Variants in TTF2 observed in about 807,000 individuals in gnomAD.
The protein encoded by TTF2 is transcription termination factor 2.
Under a neutral mutation model 142.4 loss-of-function variants are expected in TTF2, and 108 were observed. That is an observed-to-expected ratio of 0.76 (90% CI 0.65 to 0.89). TTF2 has a LOEUF of 0.89. Among genes scored for constraint, TTF2 ranks in the 40% least tolerant of loss-of-function variants. The pLI, the probability that TTF2 is intolerant of heterozygous loss-of-function variation, is 0.00. For synonymous variants in TTF2, 483 were observed against 506.2 expected (o/e 0.95, Z 0.61); for missense variants, 1,327 against 1,379.8 (o/e 0.96, Z 0.61).
chr1:117,062,508 CTTTTT>C, intron 3 of TTF2, 35 bp downstream of exon 3: 3 of 1,290,414 alleles, frequency 2.3e-6, no homozygotes, highest in South Asian at 1.4e-5. Flanking sequence ...AGTGTATTTG[CTTTTT>C]TTTTTTTTTC....
chr1:117,095,183 G>A (rs987717220), intron 18 of TTF2, 126 bp from the exon 19 acceptor site: 9 of 795,778 alleles, frequency 1.1e-5, no homozygotes, highest in Admixed American at 2.2e-5. Context: ...AGAGAGGAGG[G>A]TGGAATAAAG....
intron 2 of TTF2, 27 bp downstream of exon 2, chr1:117,060,584 C>G (rs1214962597): frequency 6.4e-7 from 1 of 1,570,056 alleles, no homozygotes; most frequent in Admixed American, 1.9e-5. Context: ...GCCCCACTCC[C>G]TGTGGCTGCC....
intron 3 of TTF2, among the ~76,000 whole-genome samples, chr1:117,064,027 C>T (rs965267836): frequency 6.6e-6 from 1 of 152,208 alleles, no homozygotes; most frequent in Non-Finnish European, 1.5e-5. Context: ...GCCCTCTTCA[C>T]TCCGGCAATC....
intron 3 of TTF2, among the ~76,000 whole-genome samples, chr1:117,067,094 T>G (rs1405868061): frequency 1.3e-5 from 2 of 152,226 alleles, no homozygotes; most frequent in African/African-American, 4.8e-5. Context: ...TTTGAGAACT[T>G]GCTGTTAACG....
In TTF2 at chr1:117,070,335, G is replaced by GC. The variant is rs1656476608; in HGVS notation, c.219-3324dup. Among the ~76,000 whole-genome samples, 2 of 152,222 alleles carry GC rather than the reference G, an allele frequency of 1.3e-5. No homozygotes were observed. Among genetic ancestry groups the GC allele is most frequent in the Non-Finnish European group, 2.9e-5 (2 of 68,042 alleles). The stretch of plus-strand genomic sequence containing the variant: ...AACTTACACAAACCTACTTGGTATA[G>GC]CCTAATACATACCTAGGTTACAGAA... On this transcript the variant is annotated intron_variant, in intron 3 of 22. Coordinates refer to ENST00000369466, the MANE Select transcript of TTF2 (RefSeq NM_003594.4). This position sits in a 1 kb window ranked among gnomAD's most constrained non-coding sequence, Gnocchi z 4.2.
At chr1:117,069,451 T>C (rs1033076176) in intron 3 of TTF2, among the ~76,000 whole-genome samples, 2 of 152,194 alleles carry the variant, frequency 1.3e-5, no homozygotes, top group African/African-American at 4.8e-5. Context: ...GACAAGGAAG[T>C]GTTGAGGCAG....
At position 117,076,087 on chromosome 1, in the gene TTF2, T is replaced by A; in HGVS notation, c.1276-93T>A. 2.9e-6 allele frequency: 4 copies of A among 1,366,678 alleles called. No homozygotes were observed. Among genetic ancestry groups the A allele is most frequent in the Non-Finnish European group, 4.0e-6 (4 of 997,944 alleles). 84.7% of individuals were successfully genotyped at this position (1,366,678 alleles called of 1,614,324 possible). On this transcript the variant is annotated intron_variant, in intron 5 of 22. Transcript: ENST00000369466. This position sits in a 1 kb window ranked among gnomAD's most constrained non-coding sequence, Gnocchi z 4.6. ...GCACACATATTTAAAAGACCATAAT[T>A]TCAGAGTTTGGGTGTTTCAGGCTAT... is the stretch of plus-strand genomic sequence containing the variant.
chr1:117,060,362 T>C lies in TTF2; in HGVS notation c.16T>C (p.Cys6Arg), dbSNP rs756198185. MEEVR[C>R]PEHGTFCFLK... ...ACCCAGCGAAATGGAAGAAGTTAGG[T>C]GTCCAGAGCACGGTAAGGGGCTAGG... The change falls in exon 1 of 23, where the codon TGT becomes CGT. Residue 6 changes from cysteine (C) to arginine (R), a missense_variant. Transcript: ENST00000369466. 9.4e-6 allele frequency: 15 copies of C among 1,601,408 alleles called. No homozygotes were observed. The highest frequency in any genetic ancestry group is 4.3e-6 in the Non-Finnish European group (5 of 1,173,922).
rs373551858 is a variant in TTF2, at chr1:117,091,944, G to T, written c.2799G>T (p.Leu933=). 1.9e-6 allele frequency: 3 copies of T among 1,611,334 alleles called. No individual in the cohort carries two copies. The highest frequency in any genetic ancestry group is 2.5e-6 in the Non-Finnish European group (3 of 1,179,180). ...AGTGTTGCTGTCATCTTTCTTTACT[G>T]AAGTCGGTAAGAAAAGCCCTCAGCC... ...LRQCCCHLSL[L]KSALDPMELK... is the part of the protein sequence containing the mutation. Residue 933 remains leucine, a synonymous_variant, in exon 17 of 23, where the codon CTG becomes CTT. Coordinates refer to ENST00000369466, the MANE Select transcript of TTF2 (RefSeq NM_003594.4).
intron 2 of TTF2, among the ~76,000 whole-genome samples, chr1:117,061,615 C>T (rs545759527): frequency 3.7e-4 from 56 of 152,272 alleles, no homozygotes; most frequent in Middle Eastern, 3.4e-3. Context: ...ATATAGTACC[C>T]AGGTCAAGTT....
rs1570861938 is a variant in TTF2, at chr1:117,089,955, G to GA, written c.2343-96dup. On this transcript the variant is annotated intron_variant, in intron 13 of 22. Coordinates refer to ENST00000369466, the MANE Select transcript of TTF2 (RefSeq NM_003594.4). Reference sequence around the variant, plus strand: ...AAGTGATTGGATGACAGGTGTAACAGAAAATCTGATTTGTCATCTTATATC... The same window carrying GA: ...AAGTGATTGGATGACAGGTGTAACAGAAAAATCTGATTTGTCATCTTATATC... 1.1e-5 allele frequency: 15 copies of GA among 1,387,338 alleles called. No homozygotes were observed. In the East Asian group the frequency reaches 3.4e-4, roughly 31 times the overall value. The allele number at this position is 1,387,338 out of a possible 1,614,324, so 85.9% of individuals were successfully genotyped here.
chr1:117,081,520 A>G (rs945868081), intron 9 of TTF2, among the ~76,000 whole-genome samples: 1 of 152,222 alleles, frequency 6.6e-6, no homozygotes, highest in African/African-American at 2.4e-5. Flanking sequence ...ACTGTAATAG[A>G]TATCAGTCAG....
Position 117,092,923 on chromosome 1 carries a change from G to C in TTF2, c.2976+22G>C. On this transcript the variant is annotated intron_variant, in intron 18 of 22. Transcript: ENST00000369466. This position sits in a 1 kb window ranked among gnomAD's most constrained non-coding sequence, Gnocchi z 4.4. ...CAAGGTACTTTTTGTCTCCTCTGTAGTAGTCGAGAGACTTCGATTCCTCAC... is the reference window on the plus strand; with the variant it reads ...CAAGGTACTTTTTGTCTCCTCTGTACTAGTCGAGAGACTTCGATTCCTCAC... 1 of 1,612,732 alleles carries C rather than the reference G, an allele frequency of 6.2e-7. No homozygotes were observed. Among genetic ancestry groups the C allele is most frequent in the Non-Finnish European group, 8.5e-7 (1 of 1,179,342 alleles).
chr1:117,075,118 C>T lies in TTF2; in HGVS notation c.534C>T (p.Leu178=), dbSNP rs758555345. Residue 178 remains leucine, a synonymous_variant, in exon 5 of 23, where the codon CTC becomes CTT. Coordinates refer to ENST00000369466, the MANE Select transcript of TTF2 (RefSeq NM_003594.4). The surrounding 1 kb of genome is among the most constrained non-coding windows in gnomAD (Gnocchi z 4.5). ...AGCCTGAAATGATGGAGAAAGACCTCTCATCTGGCCTGGTACCAAAGAAAA... is the reference window on the plus strand; with the variant it reads ...AGCCTGAAATGATGGAGAAAGACCTTTCATCTGGCCTGGTACCAAAGAAAA... The part of the protein sequence containing the change: ...EQKPEMMEKD[L]SSGLVPKKKQ... The T allele has an allele frequency of 5.0e-6, 8 of 1,613,944 alleles. No homozygotes were observed. The African/African-American group carries it at 1.1e-4, about 22-fold the overall frequency.
rs1157800607 is a variant in TTF2 at position 117,104,786 on chromosome 1, G to A, written c.*3262G>A. 1 of 152,230 alleles carries A rather than the reference G, an allele frequency of 6.6e-6. No individual in the cohort carries two copies. Among genetic ancestry groups the A allele is most frequent in the African/African-American group, 2.4e-5 (1 of 41,444 alleles). The allele number at this position is 152,230 out of a possible 1,614,324, so 9.4% of individuals were successfully genotyped here. On this transcript the variant is annotated 3_prime_UTR_variant, in exon 23 of 23. Coordinates refer to ENST00000369466, the MANE Select transcript of TTF2 (RefSeq NM_003594.4). ...ATGTGTCTCCCCTCTTCCCTCCCTG[G>A]GGGTTAGGCTGGGTTTGTTTGGTTT...
chr1:117,105,520 C>T lies in TTF2; in HGVS notation c.*3996C>T, dbSNP rs956750785. The T allele has an allele frequency of 6.6e-6, 1 of 152,134 alleles. No homozygotes were observed. The highest frequency in any genetic ancestry group is 1.5e-5 in the Non-Finnish European group (1 of 68,080). 9.4% of individuals were successfully genotyped at this position (152,134 alleles called of 1,614,324 possible). The stretch of plus-strand genomic sequence containing the variant: ...TCACTTGAGGCCAAGAGTTCGAGAC[C>T]AGACTGGCCAACATGGCAAAACCTC... On this transcript the variant is annotated 3_prime_UTR_variant, in exon 23 of 23. Coordinates refer to ENST00000369466, the MANE Select transcript of TTF2 (RefSeq NM_003594.4). This position sits in a 1 kb window ranked among gnomAD's most constrained non-coding sequence, Gnocchi z 4.7.
At chr1:117,096,077 GGCATTAAAGCCCT>G in intron 19 of TTF2, 59 bp from the exon 20 acceptor site, 1 of 1,538,408 alleles carries the variant, frequency 6.5e-7, no homozygotes, top group Non-Finnish European at 8.9e-7. Flanking sequence ...GAATGATGAG[GGCATTAAAGCCCT>G]GCAGATGAGT....
At position 117,107,068 on chromosome 1, in the gene TTF2, T is replaced by A. The variant is rs1366277600; in HGVS notation, c.*5544T>A. 1 of 152,200 alleles carries A rather than the reference T, an allele frequency of 6.6e-6. No individual in the cohort carries two copies. The highest frequency in any genetic ancestry group is 1.5e-5 in the Non-Finnish European group (1 of 68,044). 9.4% of individuals were successfully genotyped at this position (152,200 alleles called of 1,614,324 possible). A position where few individuals can be genotyped will look rare whatever the true frequency, so the allele number is the denominator to read the frequency against. ...CTTGTTGACGCTTCAATGCTCACAA[T>A]TCAAAGGTGATTTCTGAAGCACTTT... On this transcript the variant is annotated 3_prime_UTR_variant, in exon 23 of 23. Transcript: ENST00000369466.
chr1:117,091,728 G>A, intron 16 of TTF2, 89 bp from the exon 17 acceptor site: 3 of 1,489,968 alleles, frequency 2.0e-6, no homozygotes, highest in Non-Finnish European at 2.7e-6. Context: ...ATCAAACATG[G>A]TTAAAGTAGC....
Sources: gnomAD v4.1 joint callset for allele counts (sites outside exome capture counted in the v4.1 genomes callset) on GRCh38, gnomAD v4.1.1 for gene constraint, Gnocchi (gnomAD v3.1) non-coding constraint, MANE v1.5 for transcripts, NCBI Gene and HGNC (gene_info 2026-07-23, HGNC 2026-07-21) for gene names.